CCDC171: variants seen among roughly 807,000 people sequenced by gnomAD.
CCDC171 encodes the protein coiled-coil domain containing 171, also known as coiled-coil domain-containing protein 171.
In CCDC171, 177 loss-of-function variants were observed where a neutral mutation model predicts 168.2. That is an observed-to-expected ratio of 1.05 (90% CI 0.93 to 1.19). The LOEUF is 1.19. Ranked by LOEUF, CCDC171 falls within the 50% of genes most tolerant of loss-of-function variation. The pLI, the probability that CCDC171 is intolerant of heterozygous loss-of-function variation, is 0.00. For synonymous variants in CCDC171, 687 were observed against 540.8 expected (o/e 1.27, Z -3.75); for missense variants, 1,991 against 1,539.0 (o/e 1.29, Z -4.91).
intron 3 of CCDC171, among the ~76,000 whole-genome samples, chr9:16,006,999 A>G (rs935935896): frequency 1.3e-5 from 2 of 152,192 alleles, no homozygotes; most frequent in Admixed American, 1.3e-4. Context: ...TCCCTGAGGA[A>G]TCGCCACACT....
At chr9:15,674,437 T>A (rs1564186604) in intron 9 of CCDC171, among the ~76,000 whole-genome samples, 1 of 152,184 alleles carries the variant, frequency 6.6e-6, no homozygotes, top group Non-Finnish European at 1.5e-5. Context: ...TCTGTAATTC[T>A]TTAATTGTGA....
chr9:16,105,871 A>G, the CCDC171 span, among the ~76,000 whole-genome samples: 3 of 152,372 alleles, frequency 2.0e-5, no homozygotes, highest in African/African-American at 7.2e-5. Flanking sequence ...TGTATATATT[A>G]TAAACTCCAA....
chr9:15,780,193 C>G (rs1253110913), intron 20 of CCDC171, among the ~76,000 whole-genome samples: 1 of 152,180 alleles, frequency 6.6e-6, no homozygotes, highest in Non-Finnish European at 1.5e-5. Flanking sequence ...ATGAATTAGG[C>G]AGGTCAAGTA....
At chr9:16,095,295 A>G in the CCDC171 span, among the ~76,000 whole-genome samples, 1 of 152,142 alleles carries the variant, frequency 6.6e-6, no homozygotes, top group African/African-American at 2.4e-5. Context: ...GCTGCTTTGC[A>G]GAACCTACAT....
chr9:15,971,642 C>G lies in CCDC171; in HGVS notation c.3787C>G (p.Pro1263Ala). ...GSRDHSNLSI[P>A]SRAPLPADTT... ...ACGAGACCATTCAAATCTCTCCATT[C>G]CTTCAAGAGCTCCTCTTCCTGCTGA... Residue 1263 changes from proline (P) to alanine (A), a missense_variant, in exon 26 of 26, where the codon CCT (proline) becomes GCT (alanine). Physicochemically the swap from Pro to Ala is conservative, Grantham distance 27 (BLOSUM62 -1). Transcript: ENST00000380701. 1 of 1,613,542 alleles carries G rather than the reference C, an allele frequency of 6.2e-7. No homozygotes were observed. The highest frequency in any genetic ancestry group is 8.5e-7 in the Non-Finnish European group (1 of 1,179,766).
At chr9:15,637,257 A>G (rs1303451717) in intron 7 of CCDC171, among the ~76,000 whole-genome samples, 1 of 152,168 alleles carries the variant, frequency 6.6e-6, no homozygotes, top group Non-Finnish European at 1.5e-5. Context: ...CTCTATCTCA[A>G]AAACAAAACA....
chr9:15,766,959 G>T (rs1049015731), intron 18 of CCDC171, among the ~76,000 whole-genome samples: 3 of 152,090 alleles, frequency 2.0e-5, no homozygotes, highest in Non-Finnish European at 4.4e-5. Flanking sequence ...ACTGCACCTG[G>T]TTTCTACTGG....
At chr9:15,680,239 A>G (rs2049949661) in intron 10 of CCDC171, among the ~76,000 whole-genome samples, 2 of 152,244 alleles carry the variant, frequency 1.3e-5, no homozygotes, top group African/African-American at 2.4e-5. Context: ...TGGTTGATGC[A>G]GAATCCTCTT....
chr9:15,689,530 G>A (rs1224783845), intron 10 of CCDC171, among the ~76,000 whole-genome samples: 1 of 152,110 alleles, frequency 6.6e-6, no homozygotes, highest in Non-Finnish European at 1.5e-5. Flanking sequence ...GGCCAACATG[G>A]TGAAACCCCG....
intron 18 of CCDC171, among the ~76,000 whole-genome samples, chr9:15,763,405 T>C (rs2056555646): frequency 6.6e-6 from 1 of 152,210 alleles, no homozygotes; most frequent in South Asian, 2.1e-4. Flanking sequence ...GGTGATATCA[T>C]ATGATTCAAA....
intron 21 of CCDC171, among the ~76,000 whole-genome samples, chr9:15,819,125 T>C (rs1242469256): frequency 8.6e-6 from 1 of 116,566 alleles, no homozygotes; most frequent in East Asian, 2.2e-4. Flanking sequence ...ATAAAATCCT[T>C]TACAGACAAG....
At chr9:15,677,865 A>G (rs1384259214) in intron 9 of CCDC171, among the ~76,000 whole-genome samples, 1 of 99,512 alleles carries the variant, frequency 1.0e-5, no homozygotes, top group Non-Finnish European at 2.0e-5. Flanking sequence ...GTATATATAT[A>G]TGTGTGTGTG....
At chr9:15,856,253 A>G (rs1005457915) in intron 23 of CCDC171, among the ~76,000 whole-genome samples, 2 of 152,018 alleles carry the variant, frequency 1.3e-5, no homozygotes, top group South Asian at 2.1e-4. Flanking sequence ...AACCACAGGT[A>G]CAATGTTATA....
At chr9:15,976,073 G>T (rs753167820), downstream of CCDC171, among the ~76,000 whole-genome samples, 23 of 152,110 alleles carry the variant, frequency 1.5e-4, no homozygotes, top group Non-Finnish European at 2.9e-4. Flanking sequence ...TTTCAGGGCG[G>T]TGCTAGAAGC....
chr9:15,973,910 A>T lies in CCDC171; in HGVS notation c.*2074A>T, dbSNP rs916707677. The stretch of plus-strand genomic sequence containing the variant: ...ATGCTTGTGTTGAATCTGTTTTCAG[A>T]TCCTACTGATTTTAGAGGAACAAGC... On this transcript the variant is annotated 3_prime_UTR_variant, in exon 26 of 26. Coordinates refer to ENST00000380701, the MANE Select transcript of CCDC171 (RefSeq NM_173550.4). The T allele has an allele frequency of 6.6e-6, 1 of 152,122 alleles. No individual in the cohort carries two copies. Among genetic ancestry groups the T allele is most frequent in the Admixed American group, 6.5e-5 (1 of 15,270 alleles). The allele number at this position is 152,122 out of a possible 1,614,324, so 9.4% of individuals were successfully genotyped here.
At chr9:15,766,690 C>G (rs2056739523) in intron 18 of CCDC171, among the ~76,000 whole-genome samples, 1 of 151,740 alleles carries the variant, frequency 6.6e-6, no homozygotes, top group Non-Finnish European at 1.5e-5. Context: ...CTCTCTGTCT[C>G]TGTCACCCAG....
chr9:15,594,227 C>T (rs1046784708), intron 6 of CCDC171, 55 bp downstream of exon 6: 4 of 968,796 alleles, frequency 4.1e-6, no homozygotes, highest in African/African-American at 3.5e-5. Context: ...TTATGATATT[C>T]AAAATTACAT....
intron 3 of CCDC171, among the ~76,000 whole-genome samples, chr9:15,993,839 A>G (rs998231620): frequency 1.3e-5 from 2 of 152,208 alleles, no homozygotes; most frequent in Non-Finnish European, 2.9e-5. Context: ...GCATGAAAAA[A>G]TGCTTATCAC....
chr9:15,906,487 A>C (rs1030818599), intron 24 of CCDC171, among the ~76,000 whole-genome samples: 1 of 152,232 alleles, frequency 6.6e-6, no homozygotes, highest in Admixed American at 6.5e-5. Flanking sequence ...TCATGCTAAA[A>C]ACTCTCAATA....
Sources: allele counts gnomAD v4.1 joint callset (sites outside exome capture counted in the v4.1 genomes callset), GRCh38; gene constraint gnomAD v4.1.1; transcripts MANE v1.5; gene names NCBI Gene and HGNC (gene_info 2026-07-23, HGNC 2026-07-21).